Variants in ZNF230 observed in about 807,000 individuals in gnomAD.
ZNF230 encodes zinc finger protein 230.
ZNF230 carries 12 observed loss-of-function variants against 10.0 expected under a neutral mutation model. The observed-to-expected ratio is 1.20, with a 90% confidence interval of 0.77 to 1.95. The LOEUF (loss-of-function observed/expected upper bound fraction) is 1.95. Ranked by LOEUF, ZNF230 falls within the 30% of genes most tolerant of loss-of-function variation. The pLI is 0.00. For synonymous variants in ZNF230, 174 were observed against 193.6 expected, an observed-to-expected ratio of 0.90 and a Z score of 0.84; for missense variants, 532 against 565.8, an observed-to-expected ratio of 0.94 and a Z score of 0.61.
intron 1 of ZNF230, among the ~76,000 whole-genome samples, chr19:44,006,050 GT>G (rs11455407): frequency 1.9e-4 from 29 of 149,094 alleles, no homozygotes; most frequent in Non-Finnish European, 3.0e-4. Flanking sequence ...AAACATGGTG[GT>G]TTTTTTTTTA....
In ZNF230 at chr19:44,012,994, G is replaced by C. The variant is rs993929293; in HGVS notation, c.*1530G>C. 6.6e-6 allele frequency: 1 copy of C among 152,550 alleles called. No individual in the cohort carries two copies. The highest frequency in any genetic ancestry group is 1.5e-5 in the Non-Finnish European group (1 of 68,390). 9.4% of individuals were successfully genotyped at this position (152,550 alleles called of 1,614,324 possible). On this transcript the variant is annotated 3_prime_UTR_variant, in exon 5 of 5. Coordinates refer to ENST00000429154, the MANE Select transcript of ZNF230 (RefSeq NM_006300.4). ...TCTTCTCACACTACAGGCTGAAAATGGTTTGTTAACTTGTCAATAACAGTC... is the reference window on the plus strand; with the variant it reads ...TCTTCTCACACTACAGGCTGAAAATCGTTTGTTAACTTGTCAATAACAGTC...
At chr19:44,006,324 C>T (rs1976123715) in intron 1 of ZNF230, among the ~76,000 whole-genome samples, 1 of 152,154 alleles carries the variant, frequency 6.6e-6, no homozygotes, top group African/African-American at 2.4e-5. Context: ...TTGGAAGGTA[C>T]ATTATTAGTG....
chr19:44,008,738 C>G, intron 2 of ZNF230, 52 bp from the exon 3 acceptor site: 2 of 1,597,844 alleles, frequency 1.3e-6, no homozygotes, highest in Non-Finnish European at 8.5e-7. Context: ...GCTGCTCCTC[C>G]CCCAGTAGTC....
intron 3 of ZNF230, 45 bp from the exon 4 acceptor site, chr19:44,009,039 C>T (rs369736552): frequency 1.9e-6 from 3 of 1,609,712 alleles, no homozygotes; most frequent in Non-Finnish European, 1.7e-6. Context: ...CTTGATATTA[C>T]CTAGAATGAA....
rs1976206022 is a variant in ZNF230, at chr19:44,013,237, T to C, written c.*1773T>C. Reference sequence around the variant, plus strand: ...AACTCAGGTAGAAGCTATGCCAATTTGACAATTTTTGGAAACCTAACCTAA... The same window carrying C: ...AACTCAGGTAGAAGCTATGCCAATTCGACAATTTTTGGAAACCTAACCTAA... On this transcript the variant is annotated 3_prime_UTR_variant, in exon 5 of 5. Transcript: ENST00000429154. The C allele has an allele frequency of 6.6e-6, 1 of 152,212 alleles. No homozygotes were observed. The highest frequency in any genetic ancestry group is 2.4e-5 in the African/African-American group (1 of 41,454). The allele number at this position is 152,212 out of a possible 1,614,324, so 9.4% of individuals were successfully genotyped here. A position where few individuals can be genotyped will look rare whatever the true frequency, so the allele number is the denominator to read the frequency against.
rs1405780137 is a variant in ZNF230, at chr19:44,013,833, A to G, written c.*2369A>G. 1 of 152,216 alleles carries G rather than the reference A, an allele frequency of 6.6e-6. No individual in the cohort carries two copies. The highest frequency in any genetic ancestry group is 1.5e-5 in the Non-Finnish European group (1 of 68,038). The allele number at this position is 152,216 out of a possible 1,614,324, so 9.4% of individuals were successfully genotyped here. A position where few individuals can be genotyped will look rare whatever the true frequency, so the allele number is the denominator to read the frequency against. ...TGAACATCAGTTTTATCAAAGCAGT[A>G]AATTTAGTGCAATAAATTTGCAAAC... On this transcript the variant is annotated 3_prime_UTR_variant, in exon 5 of 5. Transcript: ENST00000429154.
intron 1 of ZNF230, among the ~76,000 whole-genome samples, chr19:44,004,931 C>G (rs374809077): frequency 5.2e-4 from 78 of 151,280 alleles, no homozygotes; most frequent in African/African-American, 1.9e-3. Flanking sequence ...TCCTGGCCAA[C>G]ATGGTGAAAC....
chr19:44,011,994 G>C lies in ZNF230; in HGVS notation c.*530G>C, dbSNP rs1976190537. On this transcript the variant is annotated 3_prime_UTR_variant, in exon 5 of 5. Transcript: ENST00000429154. ...TATCTATTGATGGACACATAGGTGG[G>C]TTCCATATCTTAACTATTGTGAAGA... is the stretch of plus-strand genomic sequence containing the variant. The C allele has an allele frequency of 5.4e-6, 1 of 186,360 alleles. No homozygotes were observed. Among genetic ancestry groups the C allele is most frequent in the Non-Finnish European group, 1.1e-5 (1 of 89,518 alleles). 11.5% of individuals were successfully genotyped at this position (186,360 alleles called of 1,614,324 possible).
chr19:44,006,890 C>T, intron 1 of ZNF230, 121 bp from the exon 2 acceptor site: 1 of 453,876 alleles, frequency 2.2e-6, no homozygotes, highest in Non-Finnish European at 4.0e-6. Flanking sequence ...TGGTTGTGCA[C>T]AGTTTTGGGG....
In ZNF230 at chr19:44,011,126, C is replaced by T. The variant is rs770010551; in HGVS notation, c.1087C>T (p.Pro363Ser). 1 of 1,614,050 alleles carries T rather than the reference C, an allele frequency of 6.2e-7. No homozygotes were observed. The highest frequency in any genetic ancestry group is 2.2e-5 in the East Asian group (1 of 44,894). ...TCAGCGAATCCACAGTGGAGAAAAA[C>T]CATACAGATGTGAGGAGTGTGGGAA... Reference protein sequence around the residue: ...IHQRIHSGEKPYRCEECGKGY... With the variant: ...IHQRIHSGEKSYRCEECGKGY... The change falls in exon 5 of 5, where the codon CCA becomes TCA. Residue 363 changes from proline to serine, a missense_variant. Transcript: ENST00000429154.
intron 2 of ZNF230, among the ~76,000 whole-genome samples, chr19:44,007,866 T>A (rs767382944): frequency 3.3e-5 from 5 of 152,244 alleles, no homozygotes; most frequent in Non-Finnish European, 7.3e-5. Context: ...TCCAGAGTTC[T>A]GTCAAATTGG....
In ZNF230 at chr19:44,011,107, A is replaced by C. The variant is rs1437598782; in HGVS notation, c.1068A>C (p.Arg356=). Residue 356 remains arginine, a synonymous_variant, in exon 5 of 5, where the codon CGA becomes CGC. Coordinates refer to ENST00000429154, the MANE Select transcript of ZNF230 (RefSeq NM_006300.4). ...CCTCATATCTTTTGATCCATCAGCG[A>C]ATCCACAGTGGAGAAAAACCATACA... The part of the protein sequence containing the change: ...RWSSYLLIHQ[R]IHSGEKPYRC... 6.2e-7 allele frequency: 1 copy of C among 1,614,230 alleles called. No homozygotes were observed. The highest frequency in any genetic ancestry group is 1.3e-5 in the African/African-American group (1 of 75,064).
Position 44,011,247 on chromosome 19 carries a change from G to A in ZNF230, c.1208G>A (p.Arg403Gln), listed in dbSNP as rs769168966. Residue 403 changes from arginine to glutamine, a missense_variant, in exon 5 of 5, where the codon CGG becomes CAG. Coordinates refer to ENST00000429154, the MANE Select transcript of ZNF230 (RefSeq NM_006300.4). ...NCKECGKSFSRASSILNHKKL... is the reference protein window; with the variant it reads ...NCKECGKSFSQASSILNHKKL... ...AAGGAATGTGGGAAGAGCTTTAGCC[G>A]GGCTTCAAGTATTTTGAATCATAAG... 63 of 1,613,884 alleles carry A rather than the reference G, an allele frequency of 3.9e-5. No homozygotes were observed. The highest frequency in any genetic ancestry group is 8.9e-5 in the East Asian group (4 of 44,876).
rs1015394870 is a variant in ZNF230 at position 44,012,156 on chromosome 19, T to A, written c.*692T>A. The A allele has an allele frequency of 3.0e-5, 9 of 301,062 alleles. No homozygotes were observed. Among genetic ancestry groups the A allele is most frequent in the Non-Finnish European group, 5.8e-5 (9 of 154,722 alleles). 18.6% of individuals were successfully genotyped at this position (301,062 alleles called of 1,614,324 possible). A position where few individuals can be genotyped will look rare whatever the true frequency, so the allele number is the denominator to read the frequency against. The stretch of plus-strand genomic sequence containing the variant: ...GAGGCTTGACACAAGAGCAAAACTA[T>A]GGAAGTGTGGCTAGGGTGATATGGC... On this transcript the variant is annotated 3_prime_UTR_variant, in exon 5 of 5. Transcript: ENST00000429154.
rs76806420 is a variant in ZNF230, at chr19:44,009,747, T to C, written c.230-522T>C. Among the ~76,000 whole-genome samples, 827 of 152,304 alleles carry C rather than the reference T, an allele frequency of 5.4e-3. 12 individuals are homozygous for C. Among genetic ancestry groups the C allele is most frequent in the African/African-American group, 0.019 (778 of 41,554 alleles). On this transcript the variant is annotated intron_variant, in intron 4 of 4. Transcript: ENST00000429154. ...TTCACTATCCAGAGTGATCCAGAGT[T>C]GGCACCCTAACAAACAAAGACACTG... is the stretch of plus-strand genomic sequence containing the variant.
chr19:44,013,340 G>A lies in ZNF230; in HGVS notation c.*1876G>A, dbSNP rs1208836306. 1.3e-5 allele frequency: 2 copies of A among 152,146 alleles called. No individual in the cohort carries two copies. The highest frequency in any genetic ancestry group is 1.5e-5 in the Non-Finnish European group (1 of 68,020). The allele number at this position is 152,146 out of a possible 1,614,324, so 9.4% of individuals were successfully genotyped here. ...AATTTCATGAAATGTATCCATGATT[G>A]GGGTAGGAGTGACATTTACATGCTC... On this transcript the variant is annotated 3_prime_UTR_variant, in exon 5 of 5. Transcript: ENST00000429154.
At chr19:44,005,378 G>A (rs190592012) in intron 1 of ZNF230, among the ~76,000 whole-genome samples, 21 of 152,226 alleles carry the variant, frequency 1.4e-4, no homozygotes, top group African/African-American at 4.6e-4. Context: ...TGTGGGGTGT[G>A]TTGGTAAGAG....
chr19:44,008,644 T>G (rs1466987505), intron 2 of ZNF230, 146 bp from the exon 3 acceptor site: 1 of 1,021,646 alleles, frequency 9.8e-7, no homozygotes, highest in Non-Finnish European at 1.4e-6. Context: ...CTGGTGGAGC[T>G]CAGGAAAATC....
rs1976194254 is a variant in ZNF230, at chr19:44,012,313, G to A, written c.*849G>A. The A allele has an allele frequency of 8.1e-6, 4 of 491,290 alleles. No homozygotes were observed. The highest frequency in any genetic ancestry group is 6.1e-5 in the South Asian group (4 of 66,048). 30.4% of individuals were successfully genotyped at this position (491,290 alleles called of 1,614,324 possible). On this transcript the variant is annotated 3_prime_UTR_variant, in exon 5 of 5. Coordinates refer to ENST00000429154, the MANE Select transcript of ZNF230 (RefSeq NM_006300.4). ...ATCTCATTTGAGAGTTCACAAAGGG[G>A]CAAAACATTAAAAAGAGGCATATGG...
Sources: allele counts gnomAD v4.1 joint callset (sites outside exome capture counted in the v4.1 genomes callset), GRCh38; gene constraint gnomAD v4.1.1; transcripts MANE v1.5; gene names NCBI Gene and HGNC (gene_info 2026-07-23, HGNC 2026-07-21).